The following PES1 variants were observed in gnomAD, a reference collection of about 807,000 sequenced individuals.
PES1 encodes the protein pescadillo ribosomal biogenesis factor 1.
Under a neutral mutation model 77.1 loss-of-function variants are expected in PES1, and 31 were observed. That is an observed-to-expected ratio of 0.40 (90% CI 0.30 to 0.54). PES1 has a LOEUF of 0.54. PES1 is among the 20% of genes least tolerant of loss of function. The probability of loss-of-function intolerance (pLI) is 0.45; values close to 1 mark genes in which losing one functional copy is unlikely to be tolerated. For synonymous variants in PES1, 282 were observed against 303.0 expected, an observed-to-expected ratio of 0.93 and a Z score of 0.72; for missense variants, 658 against 771.7, an observed-to-expected ratio of 0.85 and a Z score of 1.75.
chr22:30,599,445 A>G (rs1474680346), intron 2 of PES1, among the ~76,000 whole-genome samples: 1 of 152,194 alleles, frequency 6.6e-6, no homozygotes, highest in Admixed American at 6.5e-5. Context: ...TAATATAACT[A>G]GTTTAATAGG....
At chr22:30,593,853 C>T (rs2087219251), upstream of PES1, among the ~76,000 whole-genome samples, 1 of 152,228 alleles carries the variant, frequency 6.6e-6, no homozygotes. Flanking sequence ...AGCTGCTAAG[C>T]TGTGCAGAAT....
chr22:30,577,671 T>TGGG (rs1238590923), intron 14 of PES1, among the ~76,000 whole-genome samples: 6 of 151,476 alleles, frequency 4.0e-5, no homozygotes, highest in Admixed American at 2.6e-4. Flanking sequence ...TTTTTTTTTT[T>TGGG]GGGGGGTAGA....
chr22:30,602,875 A>G (rs564284453), intron 2 of PES1, among the ~76,000 whole-genome samples: 1 of 151,200 alleles, frequency 6.6e-6, no homozygotes, highest in Non-Finnish European at 1.5e-5. Flanking sequence ...TATTACACTA[A>G]TAGTGTCTTG....
intron 2 of PES1, among the ~76,000 whole-genome samples, chr22:30,597,830 C>A (rs757499997): frequency 6.6e-6 from 1 of 151,268 alleles, no homozygotes; most frequent in African/African-American, 2.4e-5. Flanking sequence ...GCAGGCTGCC[C>A]GACTCAGCTG....
chr22:30,579,371 C>G, intron 12 of PES1, 68 bp from the exon 13 acceptor site: 1 of 1,595,132 alleles, frequency 6.3e-7, no homozygotes. Flanking sequence ...TGACAACAGG[C>G]CCAGGCCCCA....
chr22:30,588,044 C>T lies in PES1; in HGVS notation c.235G>A (p.Val79Ile). The stretch of plus-strand genomic sequence containing the variant: ...ACCTTGTATTCACGGAACTTGTTGA[C>T]AATGGGTTCGTGGAGGAGAAACCTG... ...DIRFLLHEPIVNKFREYKVFV... is the reference protein window; with the variant it reads ...DIRFLLHEPIINKFREYKVFV... The change falls in exon 3 of 15, where the codon GTC (valine) becomes ATC (isoleucine). Residue 79 changes from valine (V) to isoleucine (I), a missense_variant. Transcript: ENST00000354694. 1 of 1,614,048 alleles carries T rather than the reference C, an allele frequency of 6.2e-7. No homozygotes were observed. Among genetic ancestry groups the T allele is most frequent in the Non-Finnish European group, 8.5e-7 (1 of 1,180,056 alleles).
intron 12 of PES1, 56 bp downstream of exon 12, chr22:30,579,695 G>C: frequency 6.5e-7 from 1 of 1,541,250 alleles, no homozygotes; most frequent in African/African-American, 1.4e-5. Flanking sequence ...GGCAGCTAAG[G>C]GAAACAGCCA....
chr22:30,591,996 T>TACAAG, upstream of PES1: 4 of 1,381,048 alleles, frequency 2.9e-6, no homozygotes, highest in Non-Finnish European at 3.7e-6. Flanking sequence ...AGATGGGGAT[T>TACAAG]TCCTCCTCAA....
In PES1 at chr22:30,587,344, C is replaced by T. The variant is rs748475778; in HGVS notation, c.310G>A (p.Val104Ile). Reference sequence around the variant, plus strand: ...GGCTTATTGTCCTTTAAACGCTCTACAGTGTTCCACTCGCTCTTCCCATAA... The same window carrying T: ...GGCTTATTGTCCTTTAAACGCTCTATAGTGTTCCACTCGCTCTTCCCATAA... Reference protein sequence around the residue: ...KAYGKSEWNTVERLKDNKPNY... With the variant: ...KAYGKSEWNTIERLKDNKPNY... The change falls in exon 4 of 15, where the codon GTA becomes ATA. Residue 104 changes from valine to isoleucine, a missense_variant. Coordinates refer to ENST00000354694, the MANE Select transcript of PES1 (RefSeq NM_014303.4). 10 of 1,613,876 alleles carry T rather than the reference C, an allele frequency of 6.2e-6. No homozygotes were observed. The South Asian group carries it at 7.7e-5, about 12-fold the overall frequency.
upstream of PES1, among the ~76,000 whole-genome samples, chr22:30,593,136 G>T (rs1013238077): frequency 6.6e-6 from 1 of 152,132 alleles, no homozygotes; most frequent in Non-Finnish European, 1.5e-5. Context: ...TTTGAACTAT[G>T]TGACTTGCAC....
chr22:30,595,132 C>A (rs1176141890), upstream of PES1, among the ~76,000 whole-genome samples: 1 of 152,156 alleles, frequency 6.6e-6, no homozygotes, highest in Non-Finnish European at 1.5e-5. Flanking sequence ...TTGCCCTGGA[C>A]AATGCCTGGC....
chr22:30,576,997 C>T lies in PES1; in HGVS notation c.*49G>A, dbSNP rs750299615. 16 of 1,493,756 alleles carry T rather than the reference C, an allele frequency of 1.1e-5. No individual in the cohort carries two copies. The highest frequency in any genetic ancestry group is 6.8e-5 in the East Asian group (3 of 44,264). 92.5% of individuals were successfully genotyped at this position (1,493,756 alleles called of 1,614,324 possible). ...TAGGTCCTCTGGCCTGCCTCTGCCA[C>T]ATCCAGCTGCTAGGGGCTGGCCTCA... On this transcript the variant is annotated 3_prime_UTR_variant, in exon 15 of 15. Transcript: ENST00000354694.
At chr22:30,591,751 C>A in intron 1 of PES1, 59 bp downstream of exon 1, 6 of 1,535,656 alleles carry the variant, frequency 3.9e-6, no homozygotes, top group Middle Eastern at 1.7e-4. Context: ...GAGTCGACCC[C>A]ATGCTCTGCC....
At chr22:30,579,042 C>A (rs762941299) in intron 13 of PES1, 44 bp from the exon 14 acceptor site, 2 of 1,603,420 alleles carry the variant, frequency 1.2e-6, no homozygotes, top group Non-Finnish European at 1.7e-6. Context: ...GTTCTCCCGA[C>A]CTCCACAGTC....
intron 2 of PES1, among the ~76,000 whole-genome samples, chr22:30,597,928 G>C (rs942537774): frequency 1.5e-5 from 2 of 135,368 alleles, no homozygotes; most frequent in Non-Finnish European, 3.0e-5. Context: ...CTGTCGCCCA[G>C]GCTGGAGTGC....
intron 2 of PES1, among the ~76,000 whole-genome samples, chr22:30,601,542 C>A (rs1420361133): frequency 1.3e-4 from 3 of 23,398 alleles, no homozygotes; most frequent in Non-Finnish European, 2.9e-4. Context: ...CAAACTCTTG[C>A]CCCTCAAGTG....
chr22:30,600,857 A>G (rs2087344248), intron 2 of PES1, among the ~76,000 whole-genome samples: 1 of 152,176 alleles, frequency 6.6e-6, no homozygotes, highest in Non-Finnish European at 1.5e-5. Flanking sequence ...GCTCCATTAA[A>G]TGGTTCTGTC....
intron 2 of PES1, among the ~76,000 whole-genome samples, chr22:30,605,101 C>T (rs1252845942): frequency 6.6e-6 from 1 of 152,080 alleles, no homozygotes; most frequent in Non-Finnish European, 1.5e-5. Context: ...TCAAGTGATC[C>T]TCCCACTTGT....
chr22:30,604,943 C>T (rs950554415), intron 2 of PES1, among the ~76,000 whole-genome samples: 2 of 152,084 alleles, frequency 1.3e-5, no homozygotes, highest in African/African-American at 4.8e-5. Context: ...ATTCCCTGAC[C>T]ACATGACCTG....
Sources: gnomAD v4.1 joint callset for allele counts (sites outside exome capture counted in the v4.1 genomes callset) on GRCh38, gnomAD v4.1.1 for gene constraint, MANE v1.5 for transcripts, NCBI Gene and HGNC (gene_info 2026-07-23, HGNC 2026-07-21) for gene names.